Variants in ALDH3A1 observed in about 807,000 individuals in gnomAD.
ALDH3A1 encodes the protein aldehyde dehydrogenase, dimeric NADP-preferring.
A neutral mutation model predicts 49.9 loss-of-function variants in ALDH3A1; 46 were observed. That is an observed-to-expected ratio of 0.92 (90% CI 0.73 to 1.18). The LOEUF (loss-of-function observed/expected upper bound fraction) is 1.18. Ranked by LOEUF, ALDH3A1 falls within the 50% of genes most tolerant of loss-of-function variation. The probability of loss-of-function intolerance (pLI) is 0.00; values close to 1 mark genes in which losing one functional copy is unlikely to be tolerated. For synonymous variants in ALDH3A1, 269 were observed against 253.3 expected (o/e 1.06, Z -0.59); for missense variants, 592 against 611.8 (o/e 0.97, Z 0.34).
chr17:19,744,819 G>GGGCGGTGCGCCC, intron 2 of ALDH3A1, 149 bp downstream of exon 2: 1 of 1,353,024 alleles, frequency 7.4e-7, no homozygotes, highest in South Asian at 1.7e-5. Context: ...GCGGAGGGGA[G>GGGCGGTGCGCCC]GGCGGTGCGC....
Position 19,742,232 on chromosome 17 carries a change from G to A in ALDH3A1, c.481-20C>T. 9 of 1,611,562 alleles carry A rather than the reference G, an allele frequency of 5.6e-6. No individual in the cohort carries two copies. Among genetic ancestry groups the A allele is most frequent in the Non-Finnish European group, 7.6e-6 (9 of 1,177,974 alleles). On this transcript the variant is annotated intron_variant, in intron 4 of 10. Transcript: ENST00000225740. ...CAGATCCTTCCATGCAAGGAGAGAG[G>A]GGAGGCTCAGCAAAGACCAAGCCCC... is the stretch of plus-strand genomic sequence containing the variant.
In ALDH3A1 at chr17:19,742,516, G is replaced by C. The variant is rs372199210; in HGVS notation, c.480+29C>G. 3.9e-5 allele frequency: 62 copies of C among 1,603,224 alleles called. No homozygotes were observed. In the African/African-American group the frequency reaches 7.4e-4, roughly 19 times the overall value. ...GCCCTAGCTCAGTTATGAGGCCATG[G>C]AGTTACGAGGCCCTGGAGGGCAACT... is the stretch of plus-strand genomic sequence containing the variant. On this transcript the variant is annotated intron_variant, in intron 4 of 10. Coordinates refer to ENST00000225740, the MANE Select transcript of ALDH3A1 (RefSeq NM_000691.5).
chr17:19,741,244 G>C (rs375261051), intron 5 of ALDH3A1, 34 bp from the exon 6 acceptor site: 1 of 1,591,606 alleles, frequency 6.3e-7, no homozygotes, highest in African/African-American at 1.3e-5. Context: ...AAATCCAAAA[G>C]GTTCCCCAGG....
In ALDH3A1 at chr17:19,742,133, G is replaced by A. The variant is rs771902173; in HGVS notation, c.560C>T (p.Thr187Met). 24 of 1,613,936 alleles carry A rather than the reference G, an allele frequency of 1.5e-5. No individual in the cohort carries two copies. The highest frequency in any genetic ancestry group is 1.0e-4 in the Admixed American group (6 of 59,984). ...GATCTTCCCCACCCCCGTGCTGCCC[G>A]TGTACAGGATATGGTCGAACCTCTC... is the stretch of plus-strand genomic sequence containing the variant. ...LKERFDHILYTGSTGVGKIIM... is the reference protein window; with the variant it reads ...LKERFDHILYMGSTGVGKIIM... The change falls in exon 5 of 11, where the codon ACG becomes ATG. Residue 187 changes from threonine to methionine, a missense_variant. Transcript: ENST00000225740.
intron 1 of ALDH3A1, among the ~76,000 whole-genome samples, chr17:19,745,981 G>A (rs2086590181): frequency 1.3e-5 from 2 of 152,212 alleles, no homozygotes; most frequent in South Asian, 2.1e-4. Context: ...TCACACCCAC[G>A]TAAGGGTTTA....
In ALDH3A1 at chr17:19,742,231, G is replaced by C. The variant is rs759435723; in HGVS notation, c.481-19C>G. 1.2e-5 allele frequency: 19 copies of C among 1,612,026 alleles called. No homozygotes were observed. The highest frequency in any genetic ancestry group is 1.5e-5 in the Non-Finnish European group (18 of 1,178,482). On this transcript the variant is annotated intron_variant, in intron 4 of 10. Coordinates refer to ENST00000225740, the MANE Select transcript of ALDH3A1 (RefSeq NM_000691.5). ...ACAGATCCTTCCATGCAAGGAGAGAGGGGAGGCTCAGCAAAGACCAAGCCC... is the reference window on the plus strand; with the variant it reads ...ACAGATCCTTCCATGCAAGGAGAGACGGGAGGCTCAGCAAAGACCAAGCCC...
chr17:19,746,710 CAT>C (rs1491421457), intron 1 of ALDH3A1, among the ~76,000 whole-genome samples: 26 of 143,540 alleles, frequency 1.8e-4, no homozygotes, highest in Admixed American at 3.5e-4. Flanking sequence ...CGTGTGTGTG[CAT>C]GTGCGTGTGT....
At position 19,743,194 on chromosome 17, in the gene ALDH3A1, G is replaced by C; in HGVS notation, c.394+38C>G. The C allele has an allele frequency of 6.2e-7, 1 of 1,610,062 alleles. No homozygotes were observed. The highest frequency in any genetic ancestry group is 8.5e-7 in the Non-Finnish European group (1 of 1,178,760). On this transcript the variant is annotated intron_variant, in intron 3 of 10. Coordinates refer to ENST00000225740, the MANE Select transcript of ALDH3A1 (RefSeq NM_000691.5). The surrounding 1 kb of genome is among the most constrained non-coding windows in gnomAD (Gnocchi z 4.4). ...CTGGCTTGGCTCCACGCTGGGGGACGGTGCTCCCCCAGCTTCCCTTCCCAC... is the reference window on the plus strand; with the variant it reads ...CTGGCTTGGCTCCACGCTGGGGGACCGTGCTCCCCCAGCTTCCCTTCCCAC...
Position 19,742,079 on chromosome 17 carries a change from G to T in ALDH3A1, c.614C>A (p.Thr205Asn), listed in dbSNP as rs376168390. The T allele has an allele frequency of 2.5e-6, 4 of 1,613,924 alleles. No homozygotes were observed. The highest frequency in any genetic ancestry group is 2.2e-5 in the East Asian group (1 of 44,900). The change falls in exon 5 of 11, where the codon ACC becomes AAC. Residue 205 changes from threonine to asparagine, a missense_variant. Transcript: ENST00000225740. The stretch of plus-strand genomic sequence containing the variant: ...CCCTCCCAGCTCCAGCGTGACAGGG[G>T]TCAGGTGCTTGGCAGCAGCCGTCAT... ...IIMTAAAKHL[T>N]PVTLELGGKS...
rs1200632796 is a variant in ALDH3A1, at chr17:19,740,460, A to G, written c.825T>C (p.Asp275=). Residue 275 remains aspartate (D), a synonymous_variant, in exon 7 of 11, where the codon GAT becomes GAC. Transcript: ENST00000225740. ...KKSLKEFYGE[D]AKKSRDYGRI... Reference sequence around the variant, plus strand: ...TTCCATAGTCCCGGGATTTCTTAGCATCTTCCCCGTAGAACTCCTGTGGAG... The same window carrying G: ...TTCCATAGTCCCGGGATTTCTTAGCGTCTTCCCCGTAGAACTCCTGTGGAG... 1 of 1,614,018 alleles carries G rather than the reference A, an allele frequency of 6.2e-7. No individual in the cohort carries two copies.
rs1365127768 is a variant in ALDH3A1 at position 19,745,046 on chromosome 17, C to T, written c.84G>A (p.Gln28=). Residue 28 remains glutamine, a synonymous_variant, in exon 2 of 11, where the codon CAG becomes CAA. Transcript: ENST00000225740. ...GRTRPLQFRI[Q]QLEALQRLIQ... is the part of the protein sequence containing the mutation. ...TCAGGCGCTGCAGCGCCTCCAGCTG[C>T]TGGATCCGGAACTGCAGCGGACGGG... 1.9e-6 allele frequency: 3 copies of T among 1,597,944 alleles called. No individual in the cohort carries two copies. Among genetic ancestry groups the T allele is most frequent in the African/African-American group, 2.7e-5 (2 of 74,772 alleles).
Position 19,748,087 on chromosome 17 carries a change from G to A in ALDH3A1, c.-6+172C>T. On this transcript the variant is annotated intron_variant, in intron 1 of 10. Transcript: ENST00000225740. The surrounding 1 kb of genome is among the most constrained non-coding windows in gnomAD (Gnocchi z 4.4). ...CCCTGGGACCTCTGCCTCCTGGTTT[G>A]GGGGATGGCAGAGCTGCCAGAGGTC... The A allele has an allele frequency of 3.9e-6, 1 of 256,018 alleles. No individual in the cohort carries two copies. Among genetic ancestry groups the A allele is most frequent in the South Asian group, 4.3e-5 (1 of 23,026 alleles). The allele number at this position is 256,018 out of a possible 1,614,324, so 15.9% of individuals were successfully genotyped here. A position where few individuals can be genotyped will look rare whatever the true frequency, so the allele number is the denominator to read the frequency against.
rs1433312817 is a variant in ALDH3A1, at chr17:19,742,184, A to C, written c.509T>G (p.Val170Gly). 1 of 1,613,848 alleles carries C rather than the reference A, an allele frequency of 6.2e-7. No individual in the cohort carries two copies. Among genetic ancestry groups the C allele is most frequent in the Non-Finnish European group, 8.5e-7 (1 of 1,179,988 alleles). The change falls in exon 5 of 11, where the codon GTC becomes GGC. Residue 170 changes from valine to glycine, a missense_variant. Physicochemically the swap from Val to Gly is moderately radical, Grantham distance 109 (BLOSUM62 -3). Transcript: ENST00000225740. ...KDLYPVINGG[V>G]PETTELLKER... is the part of the protein sequence containing the mutation. ...CTTGAGCAGCTCCGTGGTCTCAGGG[A>C]CACCCCCATTGATTACTGGGTACAG...
chr17:19,745,926 C>T (rs1172308844), intron 1 of ALDH3A1, among the ~76,000 whole-genome samples: 1 of 152,188 alleles, frequency 6.6e-6, no homozygotes, highest in Non-Finnish European at 1.5e-5. Flanking sequence ...GTATTGTAAA[C>T]ATCCCAAAGA....
Position 19,744,901 on chromosome 17 carries a change from G to GCCGC in ALDH3A1, c.162+66_162+67insGCGG, listed in dbSNP as rs1555546867. 3.7e-3 allele frequency: 1,628 copies of GCCGC among 437,594 alleles called. 92 individuals are homozygous for GCCGC. The African/African-American group carries it at 0.044, about 12-fold the overall frequency. 27.1% of individuals were successfully genotyped at this position (437,594 alleles called of 1,614,324 possible). A position where few individuals can be genotyped will look rare whatever the true frequency, so the allele number is the denominator to read the frequency against. ...ACCTCTCTGGGTCGCACTCTCCCCAGCCCCTCCCCCCACGCCCCATCGCAT... is the reference window on the plus strand; with the variant it reads ...ACCTCTCTGGGTCGCACTCTCCCCAGCCGCCCCCTCCCCCCACGCCCCATCGCAT... On this transcript the variant is annotated intron_variant, in intron 2 of 10. Transcript: ENST00000225740.
chr17:19,739,371 G>T (rs1179249486), intron 8 of ALDH3A1, 137 bp downstream of exon 8: 2 of 1,085,200 alleles, frequency 1.8e-6, no homozygotes. Context: ...TGATCTTACA[G>T]ACGAGGTGAA....
At position 19,743,468 on chromosome 17, in the gene ALDH3A1, A is replaced by G. The variant is rs1157340917; in HGVS notation, c.163-5T>C. On this transcript the variant is annotated splice_region_variant and splice_polypyrimidine_tract_variant and intron_variant, in intron 2 of 10. Transcript: ENST00000225740. The surrounding 1 kb of genome is among the most constrained non-coding windows in gnomAD (Gnocchi z 4.4). ...ATAGTAGGCGTTCCATTCATTCTGC[A>G]GCGACAGAGCCGGAGTGAGCTTCCA... 6.3e-7 allele frequency: 1 copy of G among 1,588,370 alleles called. No homozygotes were observed.
At chr17:19,744,901 G>GGCCCCCCCCCCCCCCCCCC in intron 2 of ALDH3A1, 67 bp downstream of exon 2, 2 of 434,632 alleles carry the variant, frequency 4.6e-6, no homozygotes, top group Non-Finnish European at 6.4e-6. Flanking sequence ...ACTCTCCCCA[G>GGCCCCCCCCCCCCCCCCCC]CCCCTCCCCC....
In ALDH3A1 at chr17:19,744,287, C is replaced by G. The variant is rs190318336; in HGVS notation, c.162+681G>C. ...GCATGGTGGTACACGCCTGTTGTCC[C>G]AGCTACTGGGGAGGCTGAGGCAGGA... On this transcript the variant is annotated intron_variant, in intron 2 of 10. Transcript: ENST00000225740. The G allele has an allele frequency of 5.3e-3, 3,526 of 665,720 alleles. 19 individuals are homozygous for G. The highest frequency in any genetic ancestry group is 0.011 in the Middle Eastern group (14 of 1,318). The allele number at this position is 665,720 out of a possible 1,614,324, so 41.2% of individuals were successfully genotyped here.
Sources: gnomAD v4.1 joint callset for allele counts (sites outside exome capture counted in the v4.1 genomes callset) on GRCh38, gnomAD v4.1.1 for gene constraint, Gnocchi (gnomAD v3.1) non-coding constraint, MANE v1.5 for transcripts, NCBI Gene and HGNC (gene_info 2026-07-23, HGNC 2026-07-21) for gene names.